Variants in KIF21A observed in about 807,000 individuals in gnomAD.
KIF21A encodes the protein kinesin-like protein KIF21A.
Under a neutral mutation model 202.9 loss-of-function variants are expected in KIF21A, and 114 were observed. The ratio of observed to expected loss-of-function variants is 0.56; its 90% CI spans 0.48 to 0.66. KIF21A has a LOEUF of 0.66. Ranked by LOEUF, KIF21A falls within the 30% of genes least tolerant of loss-of-function variation. The pLI, the probability that KIF21A is intolerant of heterozygous loss-of-function variation, is 0.00. For missense variants in KIF21A, 1,677 were observed against 1,994.9 expected, an observed-to-expected ratio of 0.84 and a Z score of 3.04; for synonymous variants, 667 against 670.8, an observed-to-expected ratio of 0.99 and a Z score of 0.09.
chr12:39,367,944 T>G lies in KIF21A; in HGVS notation c.539A>C (p.Asp180Ala). ...CACAGTATAAATTCCTCCAGTTGAA[T>G]CTTCATGAATTCTTATATTTGATTT... ...SKKSNIRIHEDSTGGIYTVGV... is the reference protein window; with the variant it reads ...SKKSNIRIHEASTGGIYTVGV... The change falls in exon 4 of 38, where the codon GAT becomes GCT. Residue 180 changes from aspartate to alanine, a missense_variant. This residue lies in a region of KIF21A where 966 missense variants were observed against 1,180.9 expected (regional missense o/e 0.82). Coordinates refer to ENST00000361418, the MANE Select transcript of KIF21A (RefSeq NM_001173464.2). The G allele has an allele frequency of 6.2e-7, 1 of 1,608,156 alleles. No individual in the cohort carries two copies. The highest frequency in any genetic ancestry group is 8.5e-7 in the Non-Finnish European group (1 of 1,174,860).
chr12:39,425,559 C>T (rs1348298081), intron 1 of KIF21A, among the ~76,000 whole-genome samples: 1 of 152,014 alleles, frequency 6.6e-6, no homozygotes, highest in African/African-American at 2.4e-5. Context: ...GAATAAAAAA[C>T]CAACATAAGC....
intron 1 of KIF21A, among the ~76,000 whole-genome samples, chr12:39,376,407 A>AT (rs954261756): frequency 2.0e-5 from 3 of 152,038 alleles, no homozygotes; most frequent in Non-Finnish European, 4.4e-5. Flanking sequence ...TATTATTATC[A>AT]TTTTTTATAG....
chr12:39,320,493 TTAGC>T (rs1181157811), intron 27 of KIF21A, among the ~76,000 whole-genome samples: 1 of 152,162 alleles, frequency 6.6e-6, no homozygotes, highest in African/African-American at 2.4e-5. Flanking sequence ...ATTATTTTAC[TTAGC>T]TAGTATTTAA....
intron 33 of KIF21A, 124 bp from the exon 34 acceptor site, chr12:39,307,853 T>C: frequency 1.3e-6 from 1 of 751,578 alleles, no homozygotes; most frequent in Non-Finnish European, 2.3e-6. Context: ...TGTCACTATA[T>C]GTATACTACC....
chr12:39,323,877 G>A (rs1419688472), intron 26 of KIF21A, among the ~76,000 whole-genome samples: 4 of 152,078 alleles, frequency 2.6e-5, no homozygotes, highest in Admixed American at 6.5e-5. Context: ...TTGGGAGGCC[G>A]AGGCAGGTGG....
intron 12 of KIF21A, among the ~76,000 whole-genome samples, chr12:39,345,024 G>A (rs1947771989): frequency 6.6e-6 from 1 of 152,082 alleles, no homozygotes; most frequent in African/African-American, 2.4e-5. Flanking sequence ...TGCACCACCT[G>A]GGAGCTTATT....
At chr12:39,370,649 T>C (rs966744599) in intron 1 of KIF21A, among the ~76,000 whole-genome samples, 6 of 152,086 alleles carry the variant, frequency 3.9e-5, no homozygotes, top group Admixed American at 2.6e-4. Context: ...CCAGTGATGA[T>C]AGTATGGAAA....
At chr12:39,404,566 G>T (rs1056749766) in intron 1 of KIF21A, among the ~76,000 whole-genome samples, 2 of 152,060 alleles carry the variant, frequency 1.3e-5, no homozygotes, top group African/African-American at 2.4e-5. Context: ...TATACAGTAA[G>T]AATTTGGGGA....
At chr12:39,306,407 T>A (rs1943476289) in intron 34 of KIF21A, among the ~76,000 whole-genome samples, 1 of 152,194 alleles carries the variant, frequency 6.6e-6, no homozygotes, top group South Asian at 2.1e-4. Flanking sequence ...CTTTTCTCAT[T>A]TTCTTAAAAA....
intron 1 of KIF21A, among the ~76,000 whole-genome samples, chr12:39,394,049 T>C (rs1173062657): frequency 6.6e-6 from 1 of 152,222 alleles, no homozygotes; most frequent in Non-Finnish European, 1.5e-5. Context: ...CAAGTATCTA[T>C]ACTACTAAAC....
Position 39,337,108 on chromosome 12 carries a change from T to C in KIF21A, c.2406A>G (p.Gln802=), listed in dbSNP as rs149770308. 16 of 1,600,204 alleles carry C rather than the reference T, an allele frequency of 1.0e-5. No homozygotes were observed. The highest frequency in any genetic ancestry group is 1.7e-4 in the Middle Eastern group (1 of 6,034). ...AAAATCCACTTACATCTCTTTTACG[T>C]TGATCCTTTTTCAACTGAGCAATCT... ...NREIAQLKKD[Q]RKRDHQLRLL... Residue 802 remains glutamine (Q), a synonymous_variant, in exon 17 of 38, where the codon CAA becomes CAG. Coordinates refer to ENST00000361418, the MANE Select transcript of KIF21A (RefSeq NM_001173464.2).
chr12:39,335,343 C>T (rs1402451220), intron 17 of KIF21A, among the ~76,000 whole-genome samples: 5 of 137,926 alleles, frequency 3.6e-5, no homozygotes, highest in Non-Finnish European at 7.6e-5. Context: ...ACCTGGGAGG[C>T]GGAGGTTAGA....
At chr12:39,352,739 T>C (rs1170541858) in intron 10 of KIF21A, among the ~76,000 whole-genome samples, 1 of 152,158 alleles carries the variant, frequency 6.6e-6, no homozygotes, top group African/African-American at 2.4e-5. Flanking sequence ...GAAAAGACAG[T>C]ATCTCCAAGG....
rs1448187143 is a variant in KIF21A, at chr12:39,295,708, T to TG, written c.4932-1192_4932-1191insC. ...TTGGGATATGTTTTTTTTTTTTTTT[T>TG]TTTTTTTTTTTGACAGAATCTCGCT... On this transcript the variant is annotated intron_variant, in intron 37 of 37. Transcript: ENST00000361418. Among the ~76,000 whole-genome samples, 9 of 144,682 alleles carry TG rather than the reference T, an allele frequency of 6.2e-5. No homozygotes were observed. In the East Asian group the frequency reaches 1.8e-3, roughly 29 times the overall value. 94.9% of individuals were successfully genotyped at this position (144,682 alleles called of 152,430 possible).
At position 39,325,498 on chromosome 12, in the gene KIF21A, AT is replaced by A. The variant is rs397714587; in HGVS notation, c.3456+340del. 6.1e-3 allele frequency among the ~76,000 whole-genome samples: 744 copies of A among 121,428 alleles called. 2 individuals carry two copies. The highest frequency in any genetic ancestry group is 0.015 in the South Asian group (52 of 3,484). The allele number at this position is 121,428 out of a possible 152,430, so 79.7% of individuals were successfully genotyped here. On this transcript the variant is annotated intron_variant, in intron 26 of 37. Coordinates refer to ENST00000361418, the MANE Select transcript of KIF21A (RefSeq NM_001173464.2). ...AGGCACCTACCACCACGCCCAGCTA[AT>A]TTTTTTTTTTTTTTTTTGTATTTTT...
intron 17 of KIF21A, among the ~76,000 whole-genome samples, chr12:39,335,967 T>A (rs1449866035): frequency 1.3e-5 from 2 of 152,184 alleles, no homozygotes; most frequent in Non-Finnish European, 2.9e-5. Context: ...CAAAATAAAT[T>A]TCCATTTTCT....
chr12:39,391,155 G>A (rs888408885), intron 1 of KIF21A, among the ~76,000 whole-genome samples: 1 of 152,132 alleles, frequency 6.6e-6, no homozygotes, highest in Non-Finnish European at 1.5e-5. Context: ...CTGGAAAGAC[G>A]AGTATCCTGT....
intron 10 of KIF21A, among the ~76,000 whole-genome samples, chr12:39,353,900 T>C (rs1021070328): frequency 1.3e-5 from 2 of 152,078 alleles, no homozygotes; most frequent in Non-Finnish European, 2.9e-5. Flanking sequence ...ACCCACCCAC[T>C]TGGTACTTCC....
chr12:39,391,151 A>G (rs968435883), intron 1 of KIF21A, among the ~76,000 whole-genome samples: 2 of 152,246 alleles, frequency 1.3e-5, no homozygotes, highest in Non-Finnish European at 2.9e-5. Context: ...AAATCTGGAA[A>G]GACGAGTATC....
Sources: gnomAD v4.1 joint callset for allele counts (sites outside exome capture counted in the v4.1 genomes callset) on GRCh38, gnomAD v4.1.1 for gene constraint, gnomAD v4.1.1 regional missense constraint, MANE v1.5 for transcripts, NCBI Gene and HGNC (gene_info 2026-07-23, HGNC 2026-07-21) for gene names.